ADH5: variants seen among roughly 807,000 people sequenced by gnomAD.
ADH5 encodes the protein alcohol dehydrogenase 5 (class III), chi polypeptide.
Under a neutral mutation model 40.3 loss-of-function variants are expected in ADH5, and 32 were observed. The observed-to-expected ratio is 0.79, with a 90% CI of 0.60 to 1.07. ADH5 has a LOEUF of 1.07. ADH5 is among the 50% of genes least tolerant of loss of function. ADH5 has a pLI of 0.00. For synonymous variants in ADH5, 125 were observed against 154.3 expected (o/e 0.81, Z 1.41); for missense variants, 353 against 460.5 (o/e 0.77, Z 2.14).
At chr4:99,072,915 T>G (rs1210259743) in intron 7 of ADH5, among the ~76,000 whole-genome samples, 3 of 152,222 alleles carry the variant, frequency 2.0e-5, no homozygotes, top group Admixed American at 6.5e-5. Flanking sequence ...TTCCTCTGTA[T>G]TAAGATTTAC....
In ADH5 at chr4:99,072,399, TTATTTTTCTCTTTTGAATTAAA is replaced by T; in HGVS notation, c.1121_*17del. The T allele has an allele frequency of 6.2e-7, 1 of 1,612,304 alleles. No individual in the cohort carries two copies. Among genetic ancestry groups the T allele is most frequent in the East Asian group, 2.2e-5 (1 of 44,854 alleles). On this transcript the variant is annotated stop_lost and 3_prime_UTR_variant, in exon 9 of 9. Transcript: ENST00000296412. The stretch of plus-strand genomic sequence containing the variant: ...CTATCACATCACGACAGGATGGACA[TTATTTTTCTCTTTTGAATTAAA>T]TCTTTACAACAGTTCGAATGCTGTA...
At chr4:99,081,214 C>G in intron 4 of ADH5, 151 bp downstream of exon 4, 5 of 555,228 alleles carry the variant, frequency 9.0e-6, no homozygotes, top group Non-Finnish European at 9.8e-6. Context: ...TAGCTTGACT[C>G]TTTGTTCGGG....
At chr4:99,080,555 C>A (rs1490263563) in intron 4 of ADH5, 3 of 152,556 alleles carry the variant, frequency 2.0e-5, no homozygotes, top group Admixed American at 2.0e-4. Flanking sequence ...GAGAGCTGCA[C>A]AAGTTACTTA....
rs376911339 is a variant in ADH5, at chr4:99,076,887, G to A, written c.381C>T (p.Thr127=). The A allele has an allele frequency of 1.9e-6, 3 of 1,613,242 alleles. No homozygotes were observed. The African/African-American group carries it at 4.0e-5, about 22-fold the overall frequency. The change falls in exon 5 of 9, where the codon ACC becomes ACT. Residue 127 remains threonine, a synonymous_variant. Coordinates refer to ENST00000296412, the MANE Select transcript of ADH5 (RefSeq NM_000671.4). ...TCTTTCCTTTGCAAGTAAATCTGCT[G>A]GTACCATCTGGCATTAATCCTTTCC... ...TQGKGLMPDG[T]SRFTCKGKTI... is the part of the protein sequence containing the mutation.
intron 1 of ADH5, 114 bp downstream of exon 1, chr4:99,088,575 G>C: frequency 1.7e-6 from 2 of 1,150,214 alleles, no homozygotes; most frequent in Non-Finnish European, 1.2e-6. Context: ...TCAGAACCAA[G>C]AGCCAGATCC....
Position 99,072,032 on chromosome 4 carries a change from T to G in ADH5, c.*385A>C. 1 of 187,810 alleles carries G rather than the reference T, an allele frequency of 5.3e-6. No homozygotes were observed. Among genetic ancestry groups the G allele is most frequent in the Non-Finnish European group, 1.1e-5 (1 of 91,978 alleles). The allele number at this position is 187,810 out of a possible 1,614,324, so 11.6% of individuals were successfully genotyped here. On this transcript the variant is annotated 3_prime_UTR_variant, in exon 9 of 9. Coordinates refer to ENST00000296412, the MANE Select transcript of ADH5 (RefSeq NM_000671.4). ...TGAGACCCTTAAAAGTTCAACGTTA[T>G]GTTTCTGAGGTTTCAGACACCCACC...
At chr4:99,078,575 A>C (rs1727971037) in intron 4 of ADH5, among the ~76,000 whole-genome samples, 1 of 151,982 alleles carries the variant, frequency 6.6e-6, no homozygotes, top group South Asian at 2.1e-4. Flanking sequence ...TAATTTTTTA[A>C]ATTTTTTATA....
chr4:99,086,939 C>CAAAAAAAAAAA (rs58359709), intron 1 of ADH5, among the ~76,000 whole-genome samples: 16 of 64,268 alleles, frequency 2.5e-4, no homozygotes, highest in African/African-American at 6.4e-4. Flanking sequence ...GACTGCGTCT[C>CAAAAAAAAAAA]AAAAAAAAAA....
intron 2 of ADH5, among the ~76,000 whole-genome samples, chr4:99,083,222 ACAGT>A (rs1728062047): frequency 6.6e-6 from 1 of 152,280 alleles, no homozygotes; most frequent in East Asian, 1.9e-4. Context: ...TGGCAAAATC[ACAGT>A]CAGCTTAATT....
rs772162589 is a variant in ADH5 at position 99,076,724 on chromosome 4, C to T, written c.544G>A (p.Ala182Thr). ...CTTACCTTGGCAGTGTTCACAGCAG[C>T]ACCATAACCGGTTGAAATGCCACAA... ...LGCGISTGYG[A>T]AVNTAKLEPG... The change falls in exon 5 of 9, where the codon GCT (alanine) becomes ACT (threonine). Residue 182 changes from alanine (A) to threonine (T), a missense_variant. Transcript: ENST00000296412. 5 of 1,614,002 alleles carry T rather than the reference C, an allele frequency of 3.1e-6. No homozygotes were observed. Among genetic ancestry groups the T allele is most frequent in the Non-Finnish European group, 4.2e-6 (5 of 1,179,880 alleles).
intron 2 of ADH5, among the ~76,000 whole-genome samples, chr4:99,083,922 CCAAGGGTAA>C (rs1728077049): frequency 6.6e-6 from 1 of 152,148 alleles, no homozygotes; most frequent in African/African-American, 2.4e-5. Flanking sequence ...ATGCCTCTCT[CCAAGGGTAA>C]CATCATTTCT....
At chr4:99,079,357 C>T (rs1450421587) in intron 4 of ADH5, among the ~76,000 whole-genome samples, 1 of 79,776 alleles carries the variant, frequency 1.3e-5, no homozygotes, top group African/African-American at 6.6e-5. Context: ...ATATATCTCA[C>T]AGACATTATG....
chr4:99,086,939 CAAAAAAAAAAAAAAA>C (rs58359709), intron 1 of ADH5, among the ~76,000 whole-genome samples: 1 of 64,270 alleles, frequency 1.6e-5, no homozygotes, highest in South Asian at 7.6e-4. Flanking sequence ...GACTGCGTCT[CAAAAAAAAAAAAAAA>C]AAAAAAAAAA....
At chr4:99,086,504 CA>C (rs1051832535) in intron 1 of ADH5, among the ~76,000 whole-genome samples, 2 of 151,658 alleles carry the variant, frequency 1.3e-5, no homozygotes, top group Non-Finnish European at 2.9e-5. Context: ...ATACAGAAAG[CA>C]AAAAAAGTAG....
At chr4:99,076,097 T>A in intron 6 of ADH5, 195 bp downstream of exon 6, 1 of 590,116 alleles carries the variant, frequency 1.7e-6, no homozygotes, top group Non-Finnish European at 3.0e-6. Flanking sequence ...CAAAGAAACA[T>A]CTTTTCTCAT....
intron 6 of ADH5, 62 bp downstream of exon 6, chr4:99,076,230 C>A: frequency 1.3e-6 from 2 of 1,557,030 alleles, no homozygotes; most frequent in South Asian, 1.2e-5. Flanking sequence ...AATTTTTAAT[C>A]TAAAACTGCA....
intron 4 of ADH5, 138 bp downstream of exon 4, chr4:99,081,227 T>A: frequency 1.5e-6 from 1 of 659,582 alleles, no homozygotes; most frequent in Non-Finnish European, 2.7e-6. Flanking sequence ...TGTTCGGGAC[T>A]CAGTCCTTTG....
At position 99,071,445 on chromosome 4, in the gene ADH5, A is replaced by G. The variant is rs562905339; in HGVS notation, c.*972T>C. 3 of 152,374 alleles carry G rather than the reference A, an allele frequency of 2.0e-5. No homozygotes were observed. In the Middle Eastern group the frequency reaches 0.01, roughly 518 times the overall value. The allele number at this position is 152,374 out of a possible 1,614,324, so 9.4% of individuals were successfully genotyped here. A position where few individuals can be genotyped will look rare whatever the true frequency, so the allele number is the denominator to read the frequency against. On this transcript the variant is annotated 3_prime_UTR_variant, in exon 9 of 9. Transcript: ENST00000296412. The stretch of plus-strand genomic sequence containing the variant: ...TCATGCCTTCAACTGGAGAACAGAT[A>G]AATTATGGTAGTTCCCGTAATTGAA...
At chr4:99,085,364 G>T in intron 1 of ADH5, 148 bp from the exon 2 acceptor site, 1 of 444,884 alleles carries the variant, frequency 2.2e-6, no homozygotes, top group South Asian at 6.0e-5. Flanking sequence ...TATGTTTTTA[G>T]ATTTCACACA....
Sources: allele counts gnomAD v4.1 joint callset (sites outside exome capture counted in the v4.1 genomes callset), GRCh38; gene constraint gnomAD v4.1.1; transcripts MANE v1.5; gene names NCBI Gene and HGNC (gene_info 2026-07-23, HGNC 2026-07-21).